Variants in VIT observed in about 807,000 individuals in gnomAD.
VIT encodes the protein vitrin.
Under a neutral mutation model 78.0 loss-of-function variants are expected in VIT, and 99 were observed. The observed-to-expected ratio is 1.27, with a 90% CI of 1.08 to 1.50. The LOEUF (loss-of-function observed/expected upper bound fraction) is 1.50. Ranked by LOEUF, VIT falls within the 40% of genes most tolerant of loss-of-function variation. The pLI is 0.00. For missense variants in VIT, 1,126 were observed against 875.3 expected, an observed-to-expected ratio of 1.29 and a Z score of -3.61; for synonymous variants, 374 against 334.3, an observed-to-expected ratio of 1.12 and a Z score of -1.29.
chr2:36,758,253 A>G (rs975811460), intron 5 of VIT, among the ~76,000 whole-genome samples: 1 of 152,240 alleles, frequency 6.6e-6, no homozygotes, highest in Non-Finnish European at 1.5e-5. Flanking sequence ...TGAAAATTCA[A>G]CCGTTACCAA....
chr2:36,789,481 C>T (rs772174232), intron 12 of VIT, among the ~76,000 whole-genome samples: 4 of 152,122 alleles, frequency 2.6e-5, no homozygotes, highest in South Asian at 2.1e-4. Flanking sequence ...TGTTGCACAG[C>T]GGTGATACAA....
Position 36,764,075 on chromosome 2 carries a change from G to A in VIT, c.488-3019G>A, listed in dbSNP as rs554508323. On this transcript the variant is annotated intron_variant, in intron 6 of 15. Transcript: ENST00000379242. Reference sequence around the variant, plus strand: ...ATCAATTTTAGCAAAGGCAGACTGGGATGGTCAGCAGCCTTGGGATTAGCC... The same window carrying A: ...ATCAATTTTAGCAAAGGCAGACTGGAATGGTCAGCAGCCTTGGGATTAGCC... 2.9e-3 allele frequency among the ~76,000 whole-genome samples: 447 copies of A among 152,354 alleles called. 1 individual carries two copies. The highest frequency in any genetic ancestry group is 4.4e-3 in the Non-Finnish European group (301 of 68,036).
chr2:36,775,382 G>A (rs1192380146), intron 9 of VIT, among the ~76,000 whole-genome samples: 1 of 152,158 alleles, frequency 6.6e-6, no homozygotes, highest in Non-Finnish European at 1.5e-5. Context: ...TCCTCAGACA[G>A]TCCTCCAGGA....
At chr2:36,702,500 A>G (rs1170856608) in intron 1 of VIT, among the ~76,000 whole-genome samples, 1 of 152,122 alleles carries the variant, frequency 6.6e-6, no homozygotes, top group Admixed American at 6.5e-5. Context: ...ATCCTTAAAA[A>G]CGTAAAGATG....
chr2:36,813,124 G>A (rs1035267202), intron 15 of VIT, among the ~76,000 whole-genome samples: 65 of 148,402 alleles, frequency 4.4e-4, no homozygotes, highest in Non-Finnish European at 8.2e-4. Flanking sequence ...ACAGGCATGC[G>A]CCACCGCACC....
intron 4 of VIT, among the ~76,000 whole-genome samples, chr2:36,743,796 T>C (rs1667976594): frequency 6.6e-6 from 1 of 152,176 alleles, no homozygotes; most frequent in Non-Finnish European, 1.5e-5. Flanking sequence ...GACATTGCTC[T>C]TTTTTAATTT....
Position 36,805,632 on chromosome 2 carries a change from C to T in VIT, c.1357C>T (p.Gln453Ter), listed in dbSNP as rs1666663331. Reference sequence around the variant, plus strand: ...TGAAGGTGCTGCTGAAAATGAGAAGCAGTATGTGGTGGAGCCCAACTTTGC... The same window carrying T: ...TGAAGGTGCTGCTGAAAATGAGAAGTAGTATGTGGTGGAGCCCAACTTTGC... ...TIEGAAENEK[Q>*]YVVEPNFANK... is the part of the protein sequence containing the mutation. The change falls in exon 14 of 16, where the codon CAG becomes TAG. Residue 453 changes from glutamine to a stop codon, truncating the protein, a stop_gained. Coordinates refer to ENST00000379242, the MANE Select transcript of VIT (RefSeq NM_053276.4). LOFTEE classifies it high-confidence loss of function. The T allele has an allele frequency of 6.2e-7, 1 of 1,613,998 alleles. No individual in the cohort carries two copies. The highest frequency in any genetic ancestry group is 1.7e-5 in the Admixed American group (1 of 60,004).
At chr2:36,785,597 G>A (rs1466393205) in intron 11 of VIT, among the ~76,000 whole-genome samples, 1 of 152,154 alleles carries the variant, frequency 6.6e-6, no homozygotes, top group African/African-American at 2.4e-5. Flanking sequence ...GGACAGCAAA[G>A]GACAAGGGAA....
chr2:36,728,010 T>C (rs1279795707), intron 2 of VIT, among the ~76,000 whole-genome samples: 2 of 151,994 alleles, frequency 1.3e-5, no homozygotes, highest in Non-Finnish European at 2.9e-5. Context: ...CTCACTGCAA[T>C]TTCTGCCTCC....
chr2:36,743,284 T>C (rs1401593554), intron 4 of VIT, 28 bp downstream of exon 4: 8 of 1,554,656 alleles, frequency 5.1e-6, no homozygotes, highest in African/African-American at 1.4e-5. Context: ...ACTTAATAAC[T>C]AACTAGAAAT....
At chr2:36,776,954 T>C (rs1245728554) in intron 9 of VIT, among the ~76,000 whole-genome samples, 1 of 149,884 alleles carries the variant, frequency 6.7e-6, no homozygotes, top group African/African-American at 2.4e-5. Context: ...CCAGGCGTGG[T>C]GGCGGGCGCC....
rs565881856 is a variant in VIT, at chr2:36,716,518, T to C, written c.52+96T>C. The C allele has an allele frequency of 2.7e-5, 27 of 1,012,874 alleles. No homozygotes were observed. In the African/African-American group the frequency reaches 4.0e-4, roughly 15 times the overall value. The allele number at this position is 1,012,874 out of a possible 1,614,324, so 62.7% of individuals were successfully genotyped here. A position where few individuals can be genotyped will look rare whatever the true frequency, so the allele number is the denominator to read the frequency against. On this transcript the variant is annotated intron_variant, in intron 2 of 15. Coordinates refer to ENST00000379242, the MANE Select transcript of VIT (RefSeq NM_053276.4). ...AAAAGTTTTAAACCAAGACAGAGCA[T>C]ATAAACAATACAGTGTATCATTTTA...
chr2:36,769,068 T>C (rs1055053994), intron 7 of VIT, among the ~76,000 whole-genome samples: 11 of 152,138 alleles, frequency 7.2e-5, no homozygotes, highest in Admixed American at 7.2e-4. Context: ...TGCACAATAC[T>C]TGACAGCAAA....
chr2:36,732,334 C>G (rs965088817), intron 3 of VIT, among the ~76,000 whole-genome samples: 1 of 152,176 alleles, frequency 6.6e-6, no homozygotes, highest in Non-Finnish European at 1.5e-5. Context: ...CTCAAAATCT[C>G]CCTAGTGATG....
intron 14 of VIT, among the ~76,000 whole-genome samples, chr2:36,807,568 T>C (rs2148679359): frequency 6.6e-6 from 1 of 152,360 alleles, no homozygotes; most frequent in East Asian, 1.9e-4. Context: ...TTTGAAGCCA[T>C]CTCTTGTTCT....
At chr2:36,737,084 T>C (rs75759475) in intron 3 of VIT, among the ~76,000 whole-genome samples, 2,723 of 152,218 alleles carry the variant, frequency 0.018, 73 homozygotes, top group African/African-American at 0.061. Context: ...GTAAATTCTA[T>C]AGGAGAATAA....
chr2:36,790,005 A>G (rs1315202898), intron 12 of VIT, among the ~76,000 whole-genome samples: 1 of 152,202 alleles, frequency 6.6e-6, no homozygotes, highest in African/African-American at 2.4e-5. Context: ...GGGTTTCCTT[A>G]GGAGAGCTGA....
intron 1 of VIT, among the ~76,000 whole-genome samples, chr2:36,701,077 A>G (rs959651874): frequency 4.1e-5 from 6 of 146,624 alleles, no homozygotes; most frequent in Non-Finnish European, 8.9e-5. Flanking sequence ...CCCTGAAAAC[A>G]TAATTATCAA....
At chr2:36,774,673 C>T (rs1669948152) in intron 8 of VIT, 1 of 985,396 alleles carries the variant, frequency 1.0e-6, no homozygotes, top group Non-Finnish European at 1.2e-6. Context: ...TTCACAATTG[C>T]ACCTTTGCCA....
Sources: allele counts gnomAD v4.1 joint callset (sites outside exome capture counted in the v4.1 genomes callset), GRCh38; gene constraint gnomAD v4.1.1; transcripts MANE v1.5; gene names NCBI Gene and HGNC (gene_info 2026-07-23, HGNC 2026-07-21).